The following MPHOSPH9 variants were observed in gnomAD, a reference collection of about 807,000 sequenced individuals.
The protein encoded by MPHOSPH9 is M-phase phosphoprotein 9.
Under a neutral mutation model 145.5 loss-of-function variants are expected in MPHOSPH9, and 88 were observed. The ratio of observed to expected loss-of-function variants is 0.60; its 90% CI spans 0.51 to 0.72. MPHOSPH9 has a LOEUF of 0.72. Among genes scored for constraint, MPHOSPH9 ranks in the 30% least tolerant of loss-of-function variants. The pLI, the probability that MPHOSPH9 is intolerant of heterozygous loss-of-function variation, is 0.00. For synonymous variants in MPHOSPH9, 435 were observed against 486.2 expected (o/e 0.89, Z 1.39); for missense variants, 1,238 against 1,386.6 (o/e 0.89, Z 1.70).
At chr12:123,152,482 C>T (rs953664144), downstream of MPHOSPH9, 6 of 439,960 alleles carry the variant, frequency 1.4e-5, no homozygotes, top group Non-Finnish European at 2.8e-5. Context: ...GTAAAAAGCA[C>T]ATTTCTCACA....
rs1260317 is a variant in MPHOSPH9 at position 123,160,776 on chromosome 12, T to C, written c.3450+5A>G. 59,554 of 1,613,060 alleles carry C rather than the reference T, an allele frequency of 0.037. 10,230 individuals are homozygous for C. In the African/African-American group the frequency reaches 0.51, roughly 14 times the overall value. On this transcript the variant is annotated splice_donor_5th_base_variant and intron_variant, in intron 23 of 23. Transcript: ENST00000606320. ...CTAAAGCAGATTCAAGCTAAGACAT[T>C]TCACCTGATTTAATCTTGTCTGTAA...
At position 123,163,066 on chromosome 12, in the gene MPHOSPH9, A is replaced by G. The variant is rs752248202; in HGVS notation, c.2977T>C (p.Leu993=). ...AGCAGATGACTAAATCCTGGGGACA[A>G]GTTTTCTTTAGGGGATCGCTTTGGA... ...YSPKRSPKEN[L]SPGFSHLLSK... is the part of the protein sequence containing the mutation. The change falls in exon 20 of 24, where the codon TTG becomes CTG. Residue 993 remains leucine, a synonymous_variant. Coordinates refer to ENST00000606320, the MANE Select transcript of MPHOSPH9 (RefSeq NM_022782.4). 1.3e-6 allele frequency: 2 copies of G among 1,597,982 alleles called. No homozygotes were observed. Among genetic ancestry groups the G allele is most frequent in the South Asian group, 1.2e-5 (1 of 86,822 alleles).
At chr12:123,216,206 A>G (rs1411091710) in intron 6 of MPHOSPH9, among the ~76,000 whole-genome samples, 1 of 152,248 alleles carries the variant, frequency 6.6e-6, no homozygotes, top group African/African-American at 2.4e-5. Context: ...TTCCTAGACC[A>G]CAGACGCTTT....
At chr12:123,166,131 G>C (rs965727779) in intron 17 of MPHOSPH9, among the ~76,000 whole-genome samples, 1 of 152,070 alleles carries the variant, frequency 6.6e-6, no homozygotes, top group African/African-American at 2.4e-5. Flanking sequence ...TTTTAGACAA[G>C]GTCTCACTCT....
upstream of MPHOSPH9, among the ~76,000 whole-genome samples, chr12:123,236,858 C>T (rs2047859169): frequency 6.6e-6 from 1 of 151,758 alleles, no homozygotes; most frequent in Non-Finnish European, 1.5e-5. Flanking sequence ...CCGAGGCGGG[C>T]GGATCGCCTG....
chr12:123,165,071 G>C (rs955748684), intron 18 of MPHOSPH9, among the ~76,000 whole-genome samples: 2 of 149,390 alleles, frequency 1.3e-5, no homozygotes, highest in Non-Finnish European at 1.5e-5. Flanking sequence ...TAATCGGAAT[G>C]TAAGATTCAA....
At chr12:123,208,203 A>G (rs2046531051) in intron 8 of MPHOSPH9, among the ~76,000 whole-genome samples, 1 of 151,498 alleles carries the variant, frequency 6.6e-6, no homozygotes, top group Non-Finnish European at 1.5e-5. Flanking sequence ...AAAAAAAAAA[A>G]AAAAAATTTT....
intron 23 of MPHOSPH9, among the ~76,000 whole-genome samples, chr12:123,157,549 T>C (rs1002224436): frequency 6.6e-6 from 1 of 152,200 alleles, no homozygotes; most frequent in Non-Finnish European, 1.5e-5. Context: ...GGCATGATCA[T>C]AGCTTACTGC....
intron 11 of MPHOSPH9, among the ~76,000 whole-genome samples, chr12:123,200,711 T>G (rs1453238681): frequency 6.7e-6 from 1 of 149,086 alleles, no homozygotes. Flanking sequence ...AGTGCAGGAG[T>G]GCAGTGACAC....
At chr12:123,158,267 T>C (rs536287515) in intron 23 of MPHOSPH9, among the ~76,000 whole-genome samples, 1 of 152,260 alleles carries the variant, frequency 6.6e-6, no homozygotes, top group East Asian at 1.9e-4. Flanking sequence ...AGTGCTGGGA[T>C]TACAGGCGTG....
chr12:123,215,241 C>CA lies in MPHOSPH9; in HGVS notation c.997-408dup, dbSNP rs1025390230. Among the ~76,000 whole-genome samples the CA allele has an allele frequency of 9.4e-5, 14 of 148,212 alleles. No individual in the cohort carries two copies. In the Middle Eastern group the frequency reaches 0.017, roughly 184 times the overall value. ...TGGGCAACAGAGCAAGACTCTGTCT[C>CA]AAAAAAAAAGAAGAAAGCCTGATTT... On this transcript the variant is annotated intron_variant, in intron 6 of 23. Coordinates refer to ENST00000606320, the MANE Select transcript of MPHOSPH9 (RefSeq NM_022782.4).
chr12:123,212,792 A>C (rs1339077931), intron 7 of MPHOSPH9, among the ~76,000 whole-genome samples: 1 of 49,256 alleles, frequency 2.0e-5, no homozygotes, highest in Non-Finnish European at 4.9e-5. Flanking sequence ...TTTTTACTTT[A>C]TCATGGTGCA....
intron 3 of MPHOSPH9, among the ~76,000 whole-genome samples, chr12:123,226,777 G>A (rs1282218251): frequency 6.6e-6 from 1 of 151,922 alleles, no homozygotes; most frequent in African/African-American, 2.4e-5. Context: ...TACAGACACC[G>A]TGCCACCATG....
At position 123,194,424 on chromosome 12, in the gene MPHOSPH9, C is replaced by G; in HGVS notation, c.2203G>C (p.Glu735Gln). The change falls in exon 13 of 24, where the codon GAA becomes CAA. Residue 735 changes from glutamate (E) to glutamine (Q), a missense_variant. This residue lies in a region of MPHOSPH9 where 837 missense variants were observed against 897.5 expected (regional missense o/e 0.93). Coordinates refer to ENST00000606320, the MANE Select transcript of MPHOSPH9 (RefSeq NM_022782.4). ...ENAYKLSDDK[E>Q]AQLKQENKMF... ...TTGTTCTCTTGTTTTAGTTGAGCTT[C>G]TTTATCATCTGAGAGTTTGTAAGCA... 6.2e-7 allele frequency: 1 copy of G among 1,604,546 alleles called. No homozygotes were observed. The highest frequency in any genetic ancestry group is 8.5e-7 in the Non-Finnish European group (1 of 1,176,628).
chr12:123,230,875 C>G (rs911435993), intron 1 of MPHOSPH9, among the ~76,000 whole-genome samples: 1 of 152,098 alleles, frequency 6.6e-6, no homozygotes, highest in African/African-American at 2.4e-5. Context: ...AATTCATAGA[C>G]AAATGGCTGC....
intron 14 of MPHOSPH9, 115 bp from the exon 15 acceptor site, chr12:123,180,105 T>G: frequency 1.8e-6 from 1 of 549,594 alleles, no homozygotes; most frequent in South Asian, 2.8e-5. Flanking sequence ...CAAACCATAC[T>G]CAGCAAGTAT....
chr12:123,201,996 T>A (rs1365758735), intron 11 of MPHOSPH9, among the ~76,000 whole-genome samples, 168 bp downstream of exon 11: 1 of 152,182 alleles, frequency 6.6e-6, no homozygotes, highest in East Asian at 1.9e-4. Context: ...TCCACGTCAG[T>A]TATTAGTGTA....
At position 123,164,069 on chromosome 12, in the gene MPHOSPH9, G is replaced by A. The variant is rs1565897965; in HGVS notation, c.2789C>T (p.Thr930Ile). 10 of 1,614,098 alleles carry A rather than the reference G, an allele frequency of 6.2e-6. No homozygotes were observed. The highest frequency in any genetic ancestry group is 8.5e-6 in the Non-Finnish European group (10 of 1,180,004). Residue 930 changes from threonine to isoleucine, a missense_variant, in exon 19 of 24, where the codon ACT becomes ATT. Around this residue, in one of 3 missense-constraint regions of MPHOSPH9, gnomAD observed 393 missense variants for 462.5 expected, o/e 0.85. Transcript: ENST00000606320. ...TSNINPRQTE[T>I]SVNASRSPEK... Reference sequence around the variant, plus strand: ...TGGAGAACGACTTGCATTAACTGAAGTTTCAGTTTGCCGAGGATTTACTAC... The same window carrying A: ...TGGAGAACGACTTGCATTAACTGAAATTTCAGTTTGCCGAGGATTTACTAC...
At chr12:123,226,841 T>C (rs1337316041) in intron 3 of MPHOSPH9, among the ~76,000 whole-genome samples, 1 of 152,190 alleles carries the variant, frequency 6.6e-6, no homozygotes, top group African/African-American at 2.4e-5. Flanking sequence ...CTCGCTATCT[T>C]GCCCAGGCTA....
Sources: gnomAD v4.1 joint callset for allele counts (sites outside exome capture counted in the v4.1 genomes callset) on GRCh38, gnomAD v4.1.1 for gene constraint, gnomAD v4.1.1 regional missense constraint, MANE v1.5 for transcripts, NCBI Gene and HGNC (gene_info 2026-07-23, HGNC 2026-07-21) for gene names.